VIPR2: variants seen among roughly 807,000 people sequenced by gnomAD.
The protein encoded by VIPR2 is vasoactive intestinal peptide receptor 2, also known as vasoactive intestinal polypeptide receptor 2.
A neutral mutation model predicts 58.0 loss-of-function variants in VIPR2; 48 were observed. The observed-to-expected ratio is 0.83, with a 90% confidence interval of 0.66 to 1.05. The LOEUF (loss-of-function observed/expected upper bound fraction) is 1.05, where lower values mean the gene tolerates loss of function less well. Ranked by LOEUF, VIPR2 falls within the 50% of genes least tolerant of loss-of-function variation. The probability of loss-of-function intolerance (pLI) is 0.00; values close to 1 mark genes in which losing one functional copy is unlikely to be tolerated. For synonymous variants in VIPR2, 243 were observed against 235.2 expected (o/e 1.03, Z -0.30); for missense variants, 534 against 558.0 (o/e 0.96, Z 0.43).
At position 159,062,070 on chromosome 7, in the gene VIPR2, G is replaced by A. The variant is rs182907763; in HGVS notation, c.358-3492C>T. Reference sequence around the variant, plus strand: ...AGGGCGAGGTGTGGGGTCTTCAGGCGGCGGTGTGGCCATGGGGCGCCGGCG... The same window carrying A: ...AGGGCGAGGTGTGGGGTCTTCAGGCAGCGGTGTGGCCATGGGGCGCCGGCG... On this transcript the variant is annotated intron_variant, in intron 4 of 12. Coordinates refer to ENST00000262178, the MANE Select transcript of VIPR2 (RefSeq NM_003382.5). 4.3e-3 allele frequency among the ~76,000 whole-genome samples: 652 copies of A among 152,326 alleles called. 1 individual carries two copies. Among genetic ancestry groups the A allele is most frequent in the African/African-American group, 0.015 (629 of 41,578 alleles).
chr7:159,121,314 T>TG (rs1168904164), intron 2 of VIPR2, among the ~76,000 whole-genome samples: 2 of 152,152 alleles, frequency 1.3e-5, no homozygotes, highest in African/African-American at 2.4e-5. Flanking sequence ...AGGCGAGGTT[T>TG]TCCTTCCAGT....
chr7:159,115,605 G>A (rs6973238), intron 2 of VIPR2, among the ~76,000 whole-genome samples: 47,205 of 152,066 alleles, frequency 0.31, 8,053 homozygotes, highest in African/African-American at 0.46. Flanking sequence ...TGCTTTGGAC[G>A]TCTCACCTTA....
Position 159,095,888 on chromosome 7 carries a change from G to A in VIPR2, c.357+7869C>T, listed in dbSNP as rs1857806742. 6.6e-6 allele frequency among the ~76,000 whole-genome samples: 1 copy of A among 151,996 alleles called. No homozygotes were observed. On this transcript the variant is annotated intron_variant, in intron 4 of 12. Coordinates refer to ENST00000262178, the MANE Select transcript of VIPR2 (RefSeq NM_003382.5). This position sits in a 1 kb window ranked among gnomAD's most constrained non-coding sequence, Gnocchi z 5.2. ...GGGTTTCCACACTTTCTTCAATACA[G>A]TTGTTTCTGAGGACCATAAATGCTG...
At chr7:159,074,397 A>G (rs1193442180) in intron 4 of VIPR2, among the ~76,000 whole-genome samples, 1 of 152,122 alleles carries the variant, frequency 6.6e-6, no homozygotes, top group Non-Finnish European at 1.5e-5. Flanking sequence ...CTTTTTGGTG[A>G]TGGTATCAAG....
intron 4 of VIPR2, among the ~76,000 whole-genome samples, chr7:159,082,927 C>A (rs1365393099): frequency 6.6e-6 from 1 of 151,876 alleles, no homozygotes; most frequent in African/African-American, 2.4e-5. Flanking sequence ...TGATTAGATC[C>A]TTCCTAATTA....
chr7:159,035,368 A>T (rs1585328186), intron 8 of VIPR2, among the ~76,000 whole-genome samples: 1 of 152,216 alleles, frequency 6.6e-6, no homozygotes, highest in Admixed American at 6.5e-5. Flanking sequence ...TCACACCGTA[A>T]CTAGACGGTG....
chr7:159,059,712 G>A (rs1056458448), intron 4 of VIPR2, among the ~76,000 whole-genome samples: 1 of 134,098 alleles, frequency 7.5e-6, no homozygotes, highest in African/African-American at 2.5e-5. Flanking sequence ...ACGAGAATAT[G>A]TCATTAACCA....
chr7:159,077,521 G>C (rs1435381232), intron 4 of VIPR2, among the ~76,000 whole-genome samples: 1 of 151,192 alleles, frequency 6.6e-6, no homozygotes, highest in Non-Finnish European at 1.5e-5. Flanking sequence ...TTCTAGCCCT[G>C]TTCAATGTCT....
intron 4 of VIPR2, 107 bp downstream of exon 4, chr7:159,103,650 G>A (rs890286647): frequency 3.8e-5 from 33 of 859,804 alleles, no homozygotes; most frequent in Middle Eastern, 3.1e-4. Flanking sequence ...GTACTCAGAG[G>A]ATTATTTAGG....
At chr7:159,034,725 C>CCCCT (rs1853820028) in intron 8 of VIPR2, 75 bp from the exon 9 acceptor site, 1 of 1,243,960 alleles carries the variant, frequency 8.0e-7, no homozygotes, top group Admixed American at 1.7e-5. Flanking sequence ...TGAGCGCCTG[C>CCCCT]CCCTCCCAAC....
chr7:159,103,933 C>A (rs2270314), intron 3 of VIPR2, 79 bp from the exon 4 acceptor site: 7 of 1,269,322 alleles, frequency 5.5e-6, no homozygotes, highest in Non-Finnish European at 7.9e-6. Flanking sequence ...CGTGCTGAGC[C>A]CGTGCTCTAT....
intron 2 of VIPR2, among the ~76,000 whole-genome samples, chr7:159,140,089 T>G (rs572532328): frequency 2.5e-4 from 38 of 151,530 alleles, no homozygotes; most frequent in South Asian, 1.2e-3. Context: ...TTTTGTTTTT[T>G]TTTTAGATTC....
intron 4 of VIPR2, among the ~76,000 whole-genome samples, chr7:159,078,995 A>C (rs1856779629): frequency 6.6e-6 from 1 of 151,930 alleles, no homozygotes; most frequent in Non-Finnish European, 1.5e-5. Flanking sequence ...CCAAGCAACA[A>C]CCTGGAGGGC....
chr7:159,032,005 G>C lies in VIPR2; in HGVS notation c.1034C>G (p.Ala345Gly), dbSNP rs770544640. Residue 345 changes from alanine to glycine, a missense_variant, in exon 11 of 13, where the codon GCC (alanine) becomes GGC (glycine). Coordinates refer to ENST00000262178, the MANE Select transcript of VIPR2 (RefSeq NM_003382.5). ...GGAGGAGATGCTGATGGGAAACACG[G>C]CAAACACCATGTAGTGGACGCCGAA... ...PLFGVHYMVF[A>G]VFPISISSKY... 2 of 1,614,170 alleles carry C rather than the reference G, an allele frequency of 1.2e-6. No individual in the cohort carries two copies. Among genetic ancestry groups the C allele is most frequent in the South Asian group, 2.2e-5 (2 of 91,082 alleles).
chr7:159,034,358 C>A, intron 9 of VIPR2, 54 bp from the exon 10 acceptor site: 1 of 1,575,174 alleles, frequency 6.3e-7, no homozygotes, highest in South Asian at 1.1e-5. Context: ...CTAATTTGCC[C>A]TGAAGTCCAC....
chr7:159,124,173 T>C (rs1386582957), intron 2 of VIPR2, among the ~76,000 whole-genome samples: 1 of 152,206 alleles, frequency 6.6e-6, no homozygotes, highest in Non-Finnish European at 1.5e-5. Context: ...TGTCAATTTT[T>C]GCTTTTGTTG....
chr7:159,108,217 G>C (rs559141143), intron 3 of VIPR2, among the ~76,000 whole-genome samples: 8 of 152,192 alleles, frequency 5.3e-5, no homozygotes, highest in Non-Finnish European at 8.8e-5. Flanking sequence ...TCTGTGGTAC[G>C]ATGCCAGGTG....
intron 2 of VIPR2, among the ~76,000 whole-genome samples, chr7:159,115,767 T>G (rs1796213094): frequency 6.6e-6 from 1 of 152,244 alleles, no homozygotes; most frequent in Non-Finnish European, 1.5e-5. Context: ...GTGCTGGGAA[T>G]GGAGGAACTC....
intron 10 of VIPR2, 97 bp from the exon 11 acceptor site, chr7:159,032,164 A>G (rs1288836649): frequency 6.6e-7 from 1 of 1,515,218 alleles, no homozygotes; most frequent in Non-Finnish European, 8.9e-7. Flanking sequence ...TGGGTGTGGG[A>G]GGGGCTCCAC....
Sources: gnomAD v4.1 joint callset for allele counts (sites outside exome capture counted in the v4.1 genomes callset) on GRCh38, gnomAD v4.1.1 for gene constraint, Gnocchi (gnomAD v3.1) non-coding constraint, MANE v1.5 for transcripts, NCBI Gene and HGNC (gene_info 2026-07-23, HGNC 2026-07-21) for gene names.